Variants in LRRC4C observed in about 807,000 individuals in gnomAD.
The protein encoded by LRRC4C is leucine-rich repeat-containing protein 4C.
In LRRC4C, 5 loss-of-function variants were observed where a neutral mutation model predicts 33.6. The observed-to-expected ratio is 0.15, with a 90% CI of 0.08 to 0.31. The LOEUF is 0.31. Among genes scored for constraint, LRRC4C ranks in the 10% least tolerant of loss-of-function variants. LRRC4C has a pLI of 1.00. For synonymous variants in LRRC4C, 329 were observed against 302.0 expected (o/e 1.09, Z -0.93); for missense variants, 560 against 796.7 (o/e 0.70, Z 3.58).
intron 2 of LRRC4C, among the ~76,000 whole-genome samples, chr11:40,880,540 AATG>A (rs1955117038): frequency 2.8e-5 from 1 of 35,464 alleles, no homozygotes. Context: ...AAGATTTTTA[AATG>A]AAAAAAAAAA....
chr11:40,992,054 T>C (rs1405057444), intron 1 of LRRC4C, among the ~76,000 whole-genome samples: 1 of 152,222 alleles, frequency 6.6e-6, no homozygotes, highest in Non-Finnish European at 1.5e-5. Flanking sequence ...AATTAACCTT[T>C]TAAAAACATC....
chr11:40,732,829 G>T (rs1271825526), intron 2 of LRRC4C, among the ~76,000 whole-genome samples: 1 of 152,070 alleles, frequency 6.6e-6, no homozygotes, highest in Non-Finnish European at 1.5e-5. Context: ...TTACTACTTT[G>T]TCCAGCTCTA....
intron 1 of LRRC4C, among the ~76,000 whole-genome samples, chr11:41,088,709 C>T (rs577179679): frequency 5.9e-5 from 9 of 151,814 alleles, no homozygotes; most frequent in African/African-American, 2.2e-4. Flanking sequence ...CTTATTTACC[C>T]CAAAGTTTAA....
chr11:40,442,644 G>A (rs910396019), intron 3 of LRRC4C, among the ~76,000 whole-genome samples: 9 of 152,148 alleles, frequency 5.9e-5, no homozygotes, highest in Non-Finnish European at 1.2e-4. Context: ...AGGGAGACAG[G>A]GTTGAAGTAG....
chr11:41,101,516 C>A (rs1319399858), intron 1 of LRRC4C, among the ~76,000 whole-genome samples: 1 of 151,972 alleles, frequency 6.6e-6, no homozygotes, highest in Non-Finnish European at 1.5e-5. Context: ...GGTGAGGTTG[C>A]AGAGAAAAGG....
intron 2 of LRRC4C, among the ~76,000 whole-genome samples, chr11:40,785,285 T>A (rs2137315584): frequency 6.6e-6 from 1 of 152,312 alleles, no homozygotes; most frequent in East Asian, 1.9e-4. Context: ...TCCCATCATT[T>A]TTCTATAGTT....
At chr11:40,618,585 A>C (rs1463582200) in intron 3 of LRRC4C, among the ~76,000 whole-genome samples, 1 of 151,798 alleles carries the variant, frequency 6.6e-6, no homozygotes, top group Non-Finnish European at 1.5e-5. Context: ...CCCTAGCCCC[A>C]TTACCTAACA....
intron 1 of LRRC4C, among the ~76,000 whole-genome samples, chr11:40,999,389 A>C (rs992235862): frequency 6.6e-6 from 1 of 152,184 alleles, no homozygotes; most frequent in Non-Finnish European, 1.5e-5. Context: ...AATTTGTAGC[A>C]TTTCCAAAAT....
chr11:41,179,340 G>C (rs1179338760), intron 1 of LRRC4C, among the ~76,000 whole-genome samples: 2 of 152,140 alleles, frequency 1.3e-5, no homozygotes, highest in Non-Finnish European at 2.9e-5. Context: ...TAGAAACTGA[G>C]GATGGATAGG....
intron 1 of LRRC4C, among the ~76,000 whole-genome samples, chr11:41,234,762 G>C (rs1305121224): frequency 1.3e-5 from 2 of 151,994 alleles, no homozygotes; most frequent in Non-Finnish European, 2.9e-5. Flanking sequence ...GTGAGGGAAG[G>C]ACTATGGGTA....
chr11:40,871,456 C>A (rs1954641671), intron 2 of LRRC4C, among the ~76,000 whole-genome samples: 1 of 152,070 alleles, frequency 6.6e-6, no homozygotes, highest in Non-Finnish European at 1.5e-5. Flanking sequence ...CTTTATTTCT[C>A]AGACTGGCTG....
At chr11:41,199,203 A>T (rs1946305827) in intron 1 of LRRC4C, among the ~76,000 whole-genome samples, 1 of 152,138 alleles carries the variant, frequency 6.6e-6, no homozygotes, top group African/African-American at 2.4e-5. Flanking sequence ...AGGGGTGAGT[A>T]TTCCTGAGTT....
chr11:40,419,139 A>AAAAG lies in LRRC4C; in HGVS notation c.-269-99422_-269-99419dup, dbSNP rs535929688. ...GTACCCTGGAACTTAAAATAAAAAG[A>AAAAG]AAAGAAAGAAAGAAAGAAAAATGAC... On this transcript the variant is annotated intron_variant, in intron 3 of 6. Coordinates refer to ENST00000528697, the MANE Select transcript of LRRC4C (RefSeq NM_001258419.2). Among the ~76,000 whole-genome samples the AAAAG allele has an allele frequency of 4.8e-3, 732 of 152,264 alleles. 5 individuals carry two copies. Among genetic ancestry groups the AAAAG allele is most frequent in the African/African-American group, 0.017 (697 of 41,546 alleles).
rs181190635 is a variant in LRRC4C, at chr11:40,147,581, A to G, written c.-95-6728T>C. On this transcript the variant is annotated intron_variant, in intron 5 of 6. Coordinates refer to ENST00000528697, the MANE Select transcript of LRRC4C (RefSeq NM_001258419.2). ...CTAGACACTGGGGATTCTGCAATGA[A>G]TCAGACAGTGAAGACCTCTCACTTC... is the stretch of plus-strand genomic sequence containing the variant. 4.6e-5 allele frequency among the ~76,000 whole-genome samples: 7 copies of G among 152,228 alleles called. No individual in the cohort carries two copies. In the East Asian group the frequency reaches 1.4e-3, roughly 29 times the overall value.
At chr11:40,840,343 C>A (rs955607256) in intron 2 of LRRC4C, among the ~76,000 whole-genome samples, 5 of 152,146 alleles carry the variant, frequency 3.3e-5, no homozygotes, top group Non-Finnish European at 7.4e-5. Context: ...ATTTCTATGT[C>A]TTTATTTTAC....
intron 3 of LRRC4C, among the ~76,000 whole-genome samples, chr11:40,408,062 A>G (rs1281822476): frequency 2.0e-5 from 3 of 152,026 alleles, no homozygotes; most frequent in Non-Finnish European, 4.4e-5. Flanking sequence ...ATTTCTTTGT[A>G]TTAAAACCCT....
intron 3 of LRRC4C, among the ~76,000 whole-genome samples, chr11:40,468,306 G>C (rs776180060): frequency 7.2e-5 from 11 of 152,146 alleles, no homozygotes; most frequent in Non-Finnish European, 1.3e-4. Flanking sequence ...AATTATGGCA[G>C]AATTGATGTT....
At chr11:41,025,841 T>C (rs1156528826) in intron 1 of LRRC4C, among the ~76,000 whole-genome samples, 1 of 151,774 alleles carries the variant, frequency 6.6e-6, no homozygotes, top group Non-Finnish European at 1.5e-5. Context: ...TATGCCTGTG[T>C]TCTATAAATG....
chr11:40,268,869 G>C (rs1220876603), intron 4 of LRRC4C, among the ~76,000 whole-genome samples: 1 of 152,096 alleles, frequency 6.6e-6, no homozygotes, highest in Non-Finnish European at 1.5e-5. Flanking sequence ...GAGATCCTAT[G>C]CATAGCCAGG....
Sources: gnomAD v4.1 joint callset for allele counts (sites outside exome capture counted in the v4.1 genomes callset) on GRCh38, gnomAD v4.1.1 for gene constraint, MANE v1.5 for transcripts, NCBI Gene and HGNC (gene_info 2026-07-23, HGNC 2026-07-21) for gene names.